Variants in NLRP5 observed in about 807,000 individuals in gnomAD.
NLRP5 encodes NACHT, LRR and PYD domains-containing protein 5.
In NLRP5, 93 loss-of-function variants were observed where a neutral mutation model predicts 113.1. That is an observed-to-expected ratio of 0.82 (90% confidence interval 0.70 to 0.98). The LOEUF is 0.98. NLRP5 is among the 50% of genes least tolerant of loss of function. The pLI is 0.00. For synonymous variants in NLRP5, 751 were observed against 600.7 expected (o/e 1.25, Z -3.66); for missense variants, 1,808 against 1,514.3 (o/e 1.19, Z -3.22).
chr19:56,035,024 C>T (rs954090191), intron 9 of NLRP5, among the ~76,000 whole-genome samples: 1 of 152,160 alleles, frequency 6.6e-6, no homozygotes, highest in Non-Finnish European at 1.5e-5. Flanking sequence ...CTGCAACGTC[C>T]ACCTCCCTGG....
At position 56,005,364 on chromosome 19, in the gene NLRP5, TAC is replaced by T. The variant is rs1005966805; in HGVS notation, c.442+1275_442+1276del. Among the ~76,000 whole-genome samples, 30 of 146,596 alleles carry T rather than the reference TAC, an allele frequency of 2.0e-4. No individual in the cohort carries two copies. In the East Asian group the frequency reaches 5.3e-3, roughly 26 times the overall value. ...ATACACATACACATATATTTTTATA[TAC>T]ACACATATATATTTATATATACATA... On this transcript the variant is annotated intron_variant, in intron 2 of 14. Coordinates refer to ENST00000390649, the MANE Select transcript of NLRP5 (RefSeq NM_153447.4).
At chr19:56,039,433 G>C (rs933642238) in intron 10 of NLRP5, among the ~76,000 whole-genome samples, 2 of 152,156 alleles carry the variant, frequency 1.3e-5, no homozygotes, top group African/African-American at 4.8e-5. Flanking sequence ...TGGCAGTGCT[G>C]GTATCAGCAG....
chr19:56,014,966 A>T (rs1187482002), intron 3 of NLRP5, among the ~76,000 whole-genome samples: 1 of 152,206 alleles, frequency 6.6e-6, no homozygotes, highest in Non-Finnish European at 1.5e-5. Flanking sequence ...GATTTTGATG[A>T]GATTGCATTA....
intron 3 of NLRP5, among the ~76,000 whole-genome samples, chr19:56,014,825 G>A (rs1337740749): frequency 6.6e-6 from 1 of 152,142 alleles, no homozygotes; most frequent in African/African-American, 2.4e-5. Context: ...TTGCTTTATA[G>A]TTTTGAACTC....
chr19:56,007,899 G>C (rs1465903885), intron 2 of NLRP5, among the ~76,000 whole-genome samples: 3 of 48,316 alleles, frequency 6.2e-5, no homozygotes, highest in African/African-American at 1.6e-4. Flanking sequence ...GCGCGTGCGC[G>C]CGTGCGTGTG....
At chr19:55,996,654 A>C (rs375539664), upstream of NLRP5, among the ~76,000 whole-genome samples, 3 of 152,170 alleles carry the variant, frequency 2.0e-5, no homozygotes, top group South Asian at 2.1e-4. Context: ...TGTCCCTACA[A>C]GGACATGAAA....
chr19:56,010,755 A>AAAAAAAAAAAAAAAAAAAAAT (rs78321861), intron 3 of NLRP5, among the ~76,000 whole-genome samples: 1 of 125,982 alleles, frequency 7.9e-6, no homozygotes, highest in African/African-American at 3.0e-5. Context: ...AAAAAAAAAA[A>AAAAAAAAAAAAAAAAAAAAAT]GTCCCTTGAA....
At chr19:55,994,687 T>C in the NLRP5 span, among the ~76,000 whole-genome samples, 1 of 152,336 alleles carries the variant, frequency 6.6e-6, no homozygotes, top group East Asian at 1.9e-4. Flanking sequence ...TGAGCCACTG[T>C]GCCCAGCCAG....
intron 2 of NLRP5, among the ~76,000 whole-genome samples, chr19:56,005,683 C>T (rs1981882544): frequency 6.6e-6 from 1 of 152,082 alleles, no homozygotes; most frequent in Non-Finnish European, 1.5e-5. Flanking sequence ...GACCTGGATG[C>T]AGCTCAGCAG....
chr19:56,010,470 C>T (rs62120415), intron 3 of NLRP5, among the ~76,000 whole-genome samples: 7,531 of 151,970 alleles, frequency 0.05, 284 homozygotes, highest in South Asian at 0.079. Flanking sequence ...AAAGGCTGGG[C>T]GCGGTGGCTC....
Position 56,061,691 on chromosome 19 carries a change from C to G in NLRP5, c.*163C>G. On this transcript the variant is annotated 3_prime_UTR_variant, in exon 15 of 15. Coordinates refer to ENST00000390649, the MANE Select transcript of NLRP5 (RefSeq NM_153447.4). The stretch of plus-strand genomic sequence containing the variant: ...TAGTGATTCTTCTGTGTTCACTCTA[C>G]GTTGGTTACTGGATTTGAAGGCTAG... 1.3e-6 allele frequency: 1 copy of G among 764,472 alleles called. No individual in the cohort carries two copies. Among genetic ancestry groups the G allele is most frequent in the African/African-American group, 1.7e-5 (1 of 57,498 alleles). 47.4% of individuals were successfully genotyped at this position (764,472 alleles called of 1,614,324 possible).
rs1312200323 is a variant in NLRP5, at chr19:56,049,167, TA to T, written c.2958-1250del. 8.6e-4 allele frequency among the ~76,000 whole-genome samples: 5 copies of T among 5,820 alleles called. No homozygotes were observed. The Non-Finnish European group carries it at 0.041, about 48-fold the overall frequency. 3.8% of individuals were successfully genotyped at this position (5,820 alleles called of 152,430 possible). On this transcript the variant is annotated intron_variant, in intron 11 of 14. Coordinates refer to ENST00000390649, the MANE Select transcript of NLRP5 (RefSeq NM_153447.4). ...CAGCTAACTTATTTTTTATTTTTTA[TA>T]TTTATTTATTTATTTATTTATTTAT...
At chr19:56,040,213 C>T (rs7255115) in intron 10 of NLRP5, among the ~76,000 whole-genome samples, 11,608 of 152,180 alleles carry the variant, frequency 0.076, 503 homozygotes, top group Non-Finnish European at 0.096. Flanking sequence ...TCTCAAAGTG[C>T]TGGGATTACA....
chr19:56,056,956 A>G (rs964821365), intron 13 of NLRP5, among the ~76,000 whole-genome samples: 1 of 152,096 alleles, frequency 6.6e-6, no homozygotes, highest in Non-Finnish European at 1.5e-5. Flanking sequence ...ACTGGCCAAC[A>G]TGATGAAACC....
intron 11 of NLRP5, among the ~76,000 whole-genome samples, chr19:56,048,401 T>G (rs1012276418): frequency 6.6e-6 from 1 of 152,218 alleles, no homozygotes; most frequent in Non-Finnish European, 1.5e-5. Flanking sequence ...TAGAGCTCCT[T>G]TTAGTGGAGT....
chr19:56,008,741 T>G, intron 2 of NLRP5, 47 bp from the exon 3 acceptor site: 1 of 1,524,764 alleles, frequency 6.6e-7, no homozygotes. Flanking sequence ...CTTGGGTAAT[T>G]ACAGTGACTT....
chr19:56,006,176 C>A (rs1330406734), intron 2 of NLRP5, among the ~76,000 whole-genome samples: 1 of 151,866 alleles, frequency 6.6e-6, no homozygotes, highest in African/African-American at 2.4e-5. Flanking sequence ...ATCACAAGGA[C>A]AGAAAACCAA....
At chr19:56,055,401 C>G (rs1390856998) in intron 13 of NLRP5, among the ~76,000 whole-genome samples, 1 of 151,924 alleles carries the variant, frequency 6.6e-6, no homozygotes, top group East Asian at 1.9e-4. Flanking sequence ...TTTAGTTCCT[C>G]TTCGATCTAG....
intron 7 of NLRP5, among the ~76,000 whole-genome samples, chr19:56,031,280 C>T (rs569307555): frequency 6.6e-6 from 1 of 152,192 alleles, no homozygotes; most frequent in Admixed American, 6.5e-5. Flanking sequence ...TCCCCTGCTC[C>T]CCAGGCCCCC....
Sources: allele counts gnomAD v4.1 joint callset (sites outside exome capture counted in the v4.1 genomes callset), GRCh38; gene constraint gnomAD v4.1.1; transcripts MANE v1.5; gene names NCBI Gene and HGNC (gene_info 2026-07-23, HGNC 2026-07-21).